Variants in NT5DC1 observed in about 807,000 individuals in gnomAD.
NT5DC1 encodes the protein 5'-nucleotidase domain-containing protein 1.
Under a neutral mutation model 59.4 loss-of-function variants are expected in NT5DC1, and 42 were observed. The ratio of observed to expected loss-of-function variants is 0.71; its 90% CI spans 0.55 to 0.92. The LOEUF is 0.92. NT5DC1 is among the 40% of genes least tolerant of loss of function. The probability of loss-of-function intolerance (pLI) is 0.00; values close to 1 mark genes in which losing one functional copy is unlikely to be tolerated. For synonymous variants in NT5DC1, 172 were observed against 188.1 expected (o/e 0.91, Z 0.70); for missense variants, 501 against 537.1 (o/e 0.93, Z 0.66).
chr6:116,144,904 G>A (rs375082225), intron 6 of NT5DC1, among the ~76,000 whole-genome samples: 24 of 152,280 alleles, frequency 1.6e-4, no homozygotes, highest in Non-Finnish European at 3.2e-4. Context: ...GGGGATCTTA[G>A]GCTGATGGCG....
chr6:116,112,001 A>ACT (rs1251134689), intron 4 of NT5DC1, among the ~76,000 whole-genome samples: 3 of 152,140 alleles, frequency 2.0e-5, no homozygotes, highest in Non-Finnish European at 4.4e-5. Flanking sequence ...TGAGTGTTTC[A>ACT]CTCTGAAATT....
chr6:116,173,917 C>A (rs1225905434), intron 6 of NT5DC1, among the ~76,000 whole-genome samples: 1 of 152,128 alleles, frequency 6.6e-6, no homozygotes, highest in Non-Finnish European at 1.5e-5. Flanking sequence ...CCCATAATCC[C>A]ATTCAGGATA....
At chr6:116,201,805 C>A (rs935936858) in intron 6 of NT5DC1, among the ~76,000 whole-genome samples, 2 of 151,958 alleles carry the variant, frequency 1.3e-5, no homozygotes, top group African/African-American at 4.8e-5. Context: ...TGCACTGAAG[C>A]CTTGGCATGG....
chr6:116,175,086 A>C (rs889977000), intron 6 of NT5DC1, among the ~76,000 whole-genome samples: 2 of 152,152 alleles, frequency 1.3e-5, no homozygotes, highest in African/African-American at 2.4e-5. Context: ...CAGAAATTTA[A>C]TTTTCTTGAG....
chr6:116,166,200 C>G (rs1256206768), intron 6 of NT5DC1, among the ~76,000 whole-genome samples: 4 of 152,136 alleles, frequency 2.6e-5, no homozygotes, highest in Non-Finnish European at 4.4e-5. Context: ...TTTTCTGCAA[C>G]CCCACATCAA....
chr6:116,240,975 C>T (rs1771702619), intron 11 of NT5DC1, among the ~76,000 whole-genome samples: 2 of 151,924 alleles, frequency 1.3e-5, no homozygotes, highest in Non-Finnish European at 2.9e-5. Flanking sequence ...GAAACCCCGT[C>T]TCTACTAAAA....
intron 6 of NT5DC1, among the ~76,000 whole-genome samples, chr6:116,155,461 C>T (rs1384274252): frequency 6.6e-6 from 1 of 151,952 alleles, no homozygotes; most frequent in Non-Finnish European, 1.5e-5. Flanking sequence ...ATTAACATGG[C>T]CTAAAATCGT....
At chr6:116,139,317 G>A (rs1779705036) in intron 6 of NT5DC1, among the ~76,000 whole-genome samples, 1 of 152,092 alleles carries the variant, frequency 6.6e-6, no homozygotes, top group African/African-American at 2.4e-5. Context: ...TGGTACAAAT[G>A]ATGATTAAAC....
intron 8 of NT5DC1, among the ~76,000 whole-genome samples, chr6:116,233,545 C>T (rs887488854): frequency 6.6e-5 from 10 of 152,146 alleles, no homozygotes; most frequent in African/African-American, 2.4e-4. Context: ...GTGGCAATAC[C>T]ATGGGACACA....
chr6:116,213,223 C>T (rs1000726275), intron 6 of NT5DC1, among the ~76,000 whole-genome samples: 6 of 152,042 alleles, frequency 3.9e-5, no homozygotes, highest in African/African-American at 1.4e-4. Context: ...TCAGTGGGGA[C>T]AGTAGTCTTC....
At chr6:116,174,071 G>A (rs1163227357) in intron 6 of NT5DC1, among the ~76,000 whole-genome samples, 1 of 152,118 alleles carries the variant, frequency 6.6e-6, no homozygotes, top group Non-Finnish European at 1.5e-5. Context: ...CTGCAGTTGT[G>A]GTTCACTTCA....
rs562310074 is a variant in NT5DC1, at chr6:116,161,930, A to G, written c.529+43985A>G. On this transcript the variant is annotated intron_variant, in intron 6 of 11. Coordinates refer to ENST00000319550, the MANE Select transcript of NT5DC1 (RefSeq NM_152729.3). ...GTTTTATAATTCTCCTTTGTATTTC[A>G]CCATCTTAAATGTATTCCTAGATAG... 2.0e-5 allele frequency among the ~76,000 whole-genome samples: 3 copies of G among 152,144 alleles called. No homozygotes were observed. The East Asian group carries it at 5.8e-4, about 29-fold the overall frequency.
rs533730412 is a variant in NT5DC1 at position 116,120,567 on chromosome 6, C to T, written c.529+2622C>T. 3.1e-6 allele frequency: 5 copies of T among 1,606,464 alleles called. No homozygotes were observed. In the South Asian group the frequency reaches 5.6e-5, roughly 18 times the overall value. Reference sequence around the variant, plus strand: ...AAACCCTCAGGCATGACTGCTTGACCTGGTGGGCCTGGAGGCCCAGGGGGC... The same window carrying T: ...AAACCCTCAGGCATGACTGCTTGACTTGGTGGGCCTGGAGGCCCAGGGGGC... On this transcript the variant is annotated intron_variant, in intron 6 of 11. Transcript: ENST00000319550.
At chr6:116,173,548 A>G (rs1303878693) in intron 6 of NT5DC1, among the ~76,000 whole-genome samples, 1 of 152,122 alleles carries the variant, frequency 6.6e-6, no homozygotes, top group Non-Finnish European at 1.5e-5. Context: ...CAGCAACACT[A>G]AAGCTGAGCG....
chr6:116,196,791 G>C (rs189060188), intron 6 of NT5DC1, among the ~76,000 whole-genome samples: 149 of 151,902 alleles, frequency 9.8e-4, no homozygotes, highest in Middle Eastern at 3.4e-3. Context: ...TCTTCTACTT[G>C]TGCAGCCTTG....
chr6:116,236,667 A>G (rs141794811), intron 8 of NT5DC1, among the ~76,000 whole-genome samples: 487 of 152,208 alleles, frequency 3.2e-3, no homozygotes, highest in Middle Eastern at 0.014. Context: ...CATGATGTCA[A>G]GCAGAGGCAT....
At chr6:116,237,144 C>A in intron 9 of NT5DC1, 60 bp downstream of exon 9, 1 of 889,990 alleles carries the variant, frequency 1.1e-6, no homozygotes, top group Non-Finnish European at 1.9e-6. Context: ...CAGTTGTGAA[C>A]TGCCAAATCT....
chr6:116,225,513 A>T (rs777468038), intron 8 of NT5DC1, among the ~76,000 whole-genome samples: 8 of 152,184 alleles, frequency 5.3e-5, no homozygotes, highest in Non-Finnish European at 1.0e-4. Context: ...CAGAGGAAAG[A>T]GGAAAGGGTA....
chr6:116,176,005 G>A (rs373799580), intron 6 of NT5DC1, among the ~76,000 whole-genome samples: 10 of 152,150 alleles, frequency 6.6e-5, no homozygotes, highest in African/African-American at 2.4e-4. Flanking sequence ...TTGATTGAAT[G>A]CTGGACATTG....
Sources: allele counts gnomAD v4.1 joint callset (sites outside exome capture counted in the v4.1 genomes callset), GRCh38; gene constraint gnomAD v4.1.1; transcripts MANE v1.5; gene names NCBI Gene and HGNC (gene_info 2026-07-23, HGNC 2026-07-21).